Variants in C10orf105 observed in about 807,000 individuals in gnomAD.
The protein encoded by C10orf105 is uncharacterized protein C10orf105.
Under a neutral mutation model 0.6 loss-of-function variants are expected in C10orf105, and 2 were observed. The observed-to-expected ratio is 3.18, with a 90% confidence interval of 1.30 to 10.01. The LOEUF is 10.01. Ranked by LOEUF, C10orf105 falls within the 30% of genes most tolerant of loss-of-function variation. The pLI, the probability that C10orf105 is intolerant of heterozygous loss-of-function variation, is 0.04. For synonymous variants in C10orf105, 95 were observed against 82.4 expected, an observed-to-expected ratio of 1.15 and a Z score of -0.83; for missense variants, 209 against 191.4, an observed-to-expected ratio of 1.09 and a Z score of -0.54.
chr10:71,735,731 G>A (rs1387948398), intron 1 of C10orf105, among the ~76,000 whole-genome samples: 3 of 152,226 alleles, frequency 2.0e-5, no homozygotes, highest in Non-Finnish European at 2.9e-5. Flanking sequence ...CCCTGGAGGT[G>A]CCCAGTTCTA....
upstream of C10orf105, among the ~76,000 whole-genome samples, chr10:71,723,837 G>A (rs1866680192): frequency 6.6e-6 from 1 of 152,192 alleles, no homozygotes; most frequent in Admixed American, 6.5e-5. Flanking sequence ...GGACAGGGCT[G>A]CAGGGGCCAT....
chr10:71,725,124 A>C (rs1866746738), intron 1 of C10orf105, among the ~76,000 whole-genome samples: 1 of 152,190 alleles, frequency 6.6e-6, no homozygotes, highest in African/African-American at 2.4e-5. Context: ...ACCAAGATGA[A>C]GGCTTTCAGG....
upstream of C10orf105, chr10:71,724,248 A>C (rs1178185388): frequency 1.4e-5 from 11 of 802,350 alleles, no homozygotes. Flanking sequence ...GGGAGGAAAC[A>C]GGGACATTCT....
chr10:71,730,644 G>T, intron 1 of C10orf105: 3 of 1,611,300 alleles, frequency 1.9e-6, no homozygotes, highest in Non-Finnish European at 2.5e-6. Context: ...CCATTGCTCA[G>T]AGCAAACCTC....
At position 71,712,364 on chromosome 10, in the gene C10orf105, C is replaced by A. The variant is rs1427706399; in HGVS notation, c.*3572G>T. 3.2e-6 allele frequency: 1 copy of A among 308,554 alleles called. No homozygotes were observed. The highest frequency in any genetic ancestry group is 4.5e-5 in the Admixed American group (1 of 22,358). 19.1% of individuals were successfully genotyped at this position (308,554 alleles called of 1,614,324 possible). ...TTTTTTTTGGGAGCCATCATTCAAT[C>A]CACTTGAGTGCCTCAGTTACCTCCT... is the stretch of plus-strand genomic sequence containing the variant. On this transcript the variant is annotated 3_prime_UTR_variant, in exon 2 of 2. Transcript: ENST00000441508.
chr10:71,713,655 G>C lies in C10orf105; in HGVS notation c.*2281C>G. 7.6e-6 allele frequency: 2 copies of C among 261,758 alleles called. No homozygotes were observed. Among genetic ancestry groups the C allele is most frequent in the South Asian group, 8.8e-5 (2 of 22,832 alleles). The allele number at this position is 261,758 out of a possible 1,614,324, so 16.2% of individuals were successfully genotyped here. On this transcript the variant is annotated 3_prime_UTR_variant, in exon 2 of 2. Coordinates refer to ENST00000441508, the MANE Select transcript of C10orf105 (RefSeq NM_001164375.3). ...TGGCTAGCTCCAGAAGGAGGAAGTA[G>C]AGGGTTCTCTCGATCAGGGCCTCAG...
chr10:71,735,525 G>T (rs1004728839), intron 1 of C10orf105, among the ~76,000 whole-genome samples: 1 of 152,126 alleles, frequency 6.6e-6, no homozygotes, highest in Non-Finnish European at 1.5e-5. Context: ...CATCAATCTG[G>T]CCTGGACACT....
chr10:71,734,365 C>T (rs1839492546), intron 1 of C10orf105: 6 of 1,584,520 alleles, frequency 3.8e-6, no homozygotes, highest in Non-Finnish European at 3.4e-6. Context: ...GGGTGAGAGT[C>T]CCTCAGGTGC....
At chr10:71,736,272 A>T (rs1589386113) in intron 1 of C10orf105, among the ~76,000 whole-genome samples, 1 of 152,176 alleles carries the variant, frequency 6.6e-6, no homozygotes, top group Admixed American at 6.5e-5. Context: ...CCCCAGATCC[A>T]CCAGCCCCGG....
chr10:71,729,127 G>C (rs942931062), intron 1 of C10orf105, among the ~76,000 whole-genome samples: 1 of 152,164 alleles, frequency 6.6e-6, no homozygotes, highest in African/African-American at 2.4e-5. Flanking sequence ...AAGCCACCAT[G>C]CCTGGCCTCC....
At position 71,725,502 on chromosome 10, in the gene C10orf105, C is replaced by T; in HGVS notation, c.-5-9160G>A. The stretch of plus-strand genomic sequence containing the variant: ...AGGCCTACAACCACGACCTGGGCCC[C>T]ATGCGGAGCTCCGTCAGGGTGAGGC... On this transcript the variant is annotated intron_variant, in intron 1 of 1. Transcript: ENST00000398786. The T allele has an allele frequency of 1.2e-6, 2 of 1,613,542 alleles. No homozygotes were observed. Among genetic ancestry groups the T allele is most frequent in the Non-Finnish European group, 1.7e-6 (2 of 1,179,724 alleles).
Position 71,718,235 on chromosome 10 carries a change from CCACCTAGTTCCCCACCCGAGGGA to C in C10orf105, c.-6+1369_-6+1391del, listed in dbSNP as rs1866378860. Among the ~76,000 whole-genome samples, 4 of 152,164 alleles carry C rather than the reference CCACCTAGTTCCCCACCCGAGGGA, an allele frequency of 2.6e-5. No homozygotes were observed. In the South Asian group the frequency reaches 8.3e-4, roughly 32 times the overall value. On this transcript the variant is annotated intron_variant, in intron 1 of 1. Transcript: ENST00000441508. ...CACAGGTAGTGGGGAGGGGAGTGGGCCACCTAGTTCCCCACCCGAGGGACTCCTGTCCCTACCCCAGGCACTCA... is the reference window on the plus strand; with the variant it reads ...CACAGGTAGTGGGGAGGGGAGTGGGCCTCCTGTCCCTACCCCAGGCACTCA...
intron 1 of C10orf105, among the ~76,000 whole-genome samples, chr10:71,735,872 G>A (rs78636897): frequency 1.3e-3 from 197 of 152,292 alleles, no homozygotes; most frequent in East Asian, 4.4e-3. Flanking sequence ...AAGGGCAGCC[G>A]GTGAGCAGAG....
intron 1 of C10orf105, among the ~76,000 whole-genome samples, chr10:71,735,535 T>G (rs542156287): frequency 2.6e-5 from 4 of 152,276 alleles, no homozygotes; most frequent in South Asian, 2.1e-4. Flanking sequence ...GCCTGGACAC[T>G]GGCCAGTCAC....
intron 1 of C10orf105, chr10:71,725,658 G>A: frequency 9.5e-7 from 1 of 1,049,140 alleles, no homozygotes; most frequent in Non-Finnish European, 1.3e-6. Flanking sequence ...CTGGGCCTAA[G>A]GGTTCGGTGA....
At chr10:71,733,227 A>G (rs1839448831) in intron 1 of C10orf105, among the ~76,000 whole-genome samples, 1 of 152,242 alleles carries the variant, frequency 6.6e-6, no homozygotes, top group Non-Finnish European at 1.5e-5. Context: ...GAAGAGACAC[A>G]CAGAGCAAGG....
chr10:71,722,447 C>T (rs905953603), upstream of C10orf105, among the ~76,000 whole-genome samples: 2 of 152,230 alleles, frequency 1.3e-5, no homozygotes, highest in Non-Finnish European at 2.9e-5. Flanking sequence ...GTCCTGCATT[C>T]GTGCTTACTG....
At chr10:71,737,530 C>T (rs932004293) in intron 1 of C10orf105, among the ~76,000 whole-genome samples, 3 of 152,348 alleles carry the variant, frequency 2.0e-5, no homozygotes, top group Non-Finnish European at 4.4e-5. Context: ...TCCTCTGCAG[C>T]ATGCACAGGC....
chr10:71,725,369 C>G, intron 1 of C10orf105: 1 of 1,613,994 alleles, frequency 6.2e-7, no homozygotes, highest in Non-Finnish European at 8.5e-7. Context: ...TCCCTCCACA[C>G]AGGTAACCAT....
Sources: allele counts gnomAD v4.1 joint callset (sites outside exome capture counted in the v4.1 genomes callset), GRCh38; gene constraint gnomAD v4.1.1; transcripts MANE v1.5; gene names NCBI Gene and HGNC (gene_info 2026-07-23, HGNC 2026-07-21).